LARGE1: variants seen among roughly 807,000 people sequenced by gnomAD.
LARGE1 encodes the protein LARGE xylosyl- and glucuronyltransferase 1.
LARGE1 carries 43 observed loss-of-function variants against 87.6 expected under a neutral mutation model. The ratio of observed to expected loss-of-function variants is 0.49; its 90% CI spans 0.38 to 0.63. LARGE1 has a LOEUF of 0.63. LARGE1 is among the 30% of genes least tolerant of loss of function. LARGE1 has a pLI of 0.00. For missense variants in LARGE1, 802 were observed against 1,000.2 expected (o/e 0.80, Z 2.67); for synonymous variants, 434 against 394.6 (o/e 1.10, Z -1.18).
chr22:33,505,109 TAC>T (rs2070700205), intron 6 of LARGE1, among the ~76,000 whole-genome samples: 1 of 152,242 alleles, frequency 6.6e-6, no homozygotes, highest in African/African-American at 2.4e-5. Flanking sequence ...GAGCTCGTAT[TAC>T]ACAGTCTCGT....
At chr22:33,466,568 T>A (rs370510516) in intron 6 of LARGE1, among the ~76,000 whole-genome samples, 1 of 151,904 alleles carries the variant, frequency 6.6e-6, no homozygotes, top group East Asian at 1.9e-4. Flanking sequence ...TCATCCCAGG[T>A]ATTTCTTTTT....
At chr22:33,728,702 T>C (rs1471690260) in intron 2 of LARGE1, among the ~76,000 whole-genome samples, 2 of 151,990 alleles carry the variant, frequency 1.3e-5, no homozygotes, top group African/African-American at 4.8e-5. Flanking sequence ...TAGGATGCTA[T>C]ACTAGACTGG....
chr22:33,643,263 C>A (rs1428948432), intron 3 of LARGE1, among the ~76,000 whole-genome samples: 1 of 152,184 alleles, frequency 6.6e-6, no homozygotes, highest in Non-Finnish European at 1.5e-5. Context: ...TGCACAACTA[C>A]ATGGAAACTG....
At chr22:33,412,111 C>T (rs914683338) in intron 7 of LARGE1, among the ~76,000 whole-genome samples, 14 of 152,082 alleles carry the variant, frequency 9.2e-5, no homozygotes, top group African/African-American at 3.4e-4. Flanking sequence ...TGGCAAAATC[C>T]CGTCTCTACT....
intron 2 of LARGE1, among the ~76,000 whole-genome samples, chr22:33,694,689 T>C (rs1232455063): frequency 6.6e-6 from 1 of 151,674 alleles, no homozygotes; most frequent in Admixed American, 6.6e-5. Context: ...CACATACACA[T>C]ACATGGAGAG....
intron 2 of LARGE1, among the ~76,000 whole-genome samples, chr22:33,706,032 T>A (rs1393642317): frequency 6.6e-6 from 1 of 152,200 alleles, no homozygotes; most frequent in Admixed American, 6.5e-5. Context: ...ATAAATGGAT[T>A]TGAACACAGG....
chr22:33,874,186 G>T (rs1009048656), intron 1 of LARGE1, among the ~76,000 whole-genome samples: 1 of 152,182 alleles, frequency 6.6e-6, no homozygotes, highest in Non-Finnish European at 1.5e-5. Context: ...CAGCCTGACT[G>T]AATCCGGGGA....
intron 7 of LARGE1, among the ~76,000 whole-genome samples, chr22:33,420,053 C>T (rs566405674): frequency 6.6e-6 from 1 of 152,134 alleles, no homozygotes. Context: ...CTGGCCTCTA[C>T]CCACTAAGTG....
intron 3 of LARGE1, among the ~76,000 whole-genome samples, chr22:33,646,619 T>C (rs1345541170): frequency 6.6e-6 from 1 of 151,626 alleles, no homozygotes; most frequent in East Asian, 1.9e-4. Flanking sequence ...AGTCAACGAG[T>C]TCAAGATCTG....
At chr22:33,091,558 T>TTAAA in the LARGE1 span, among the ~76,000 whole-genome samples, 1 of 52,276 alleles carries the variant, frequency 1.9e-5, no homozygotes, top group African/African-American at 5.9e-5. Context: ...AGACTCCATC[T>TTAAA]CAAATAAATA....
intron 6 of LARGE1, among the ~76,000 whole-genome samples, chr22:33,451,100 T>C (rs2067898303): frequency 6.6e-6 from 1 of 152,172 alleles, no homozygotes; most frequent in South Asian, 2.1e-4. Context: ...ACAGCTACAA[T>C]GGCCAGCTAG....
At chr22:33,131,129 G>GTGT in the LARGE1 span, among the ~76,000 whole-genome samples, 1 of 150,706 alleles carries the variant, frequency 6.6e-6, no homozygotes, top group East Asian at 2.0e-4. Context: ...CTTCCTATGA[G>GTGT]ATTTGCAAGT....
the LARGE1 span, among the ~76,000 whole-genome samples, chr22:33,100,688 T>G: frequency 1.3e-5 from 2 of 152,172 alleles, no homozygotes; most frequent in African/African-American, 4.8e-5. Flanking sequence ...TAGGTGCAGA[T>G]TCATTCATTC....
rs187899542 is a variant in LARGE1 at position 33,381,749 on chromosome 22, G to A, written c.1131+170C>T. On this transcript the variant is annotated intron_variant, in intron 9 of 14. Transcript: ENST00000397394. Reference sequence around the variant, plus strand: ...GGCTTTCCAGAAAGCCCAAATAAGGGTGGAAAAAAACCAACACCCCACAAA... The same window carrying A: ...GGCTTTCCAGAAAGCCCAAATAAGGATGGAAAAAAACCAACACCCCACAAA... Among the ~76,000 whole-genome samples the A allele has an allele frequency of 7.9e-5, 12 of 152,202 alleles. No homozygotes were observed. In the East Asian group the frequency reaches 2.1e-3, roughly 27 times the overall value.
intron 10 of LARGE1, among the ~76,000 whole-genome samples, chr22:33,330,467 C>T (rs1291030649): frequency 1.3e-5 from 2 of 152,230 alleles, no homozygotes; most frequent in Non-Finnish European, 2.9e-5. Context: ...GGATTATAGG[C>T]ATGAGCTACC....
At chr22:33,183,342 G>T (rs531246726) in intron 11 of LARGE1, among the ~76,000 whole-genome samples, 1 of 152,004 alleles carries the variant, frequency 6.6e-6, no homozygotes, top group African/African-American at 2.4e-5. Context: ...TGGTAGCAGC[G>T]GTGTGAAGAA....
At chr22:33,896,941 G>C (rs1484043049) in intron 1 of LARGE1, among the ~76,000 whole-genome samples, 1 of 152,164 alleles carries the variant, frequency 6.6e-6, no homozygotes, top group Non-Finnish European at 1.5e-5. Flanking sequence ...GGGTATCAGA[G>C]AGAGGTCCTC....
chr22:33,289,885 T>C lies in LARGE1; in HGVS notation c.1731-6537A>G, dbSNP rs79379992. On this transcript the variant is annotated intron_variant, in intron 12 of 14. Transcript: ENST00000397394. Reference sequence around the variant, plus strand: ...CCTCCTCTCAGCTCACTCAGGTATATGGGTAGTTCGTATCCTCTTTTGCTC... The same window carrying C: ...CCTCCTCTCAGCTCACTCAGGTATACGGGTAGTTCGTATCCTCTTTTGCTC... Among the ~76,000 whole-genome samples the C allele has an allele frequency of 3.5e-3, 532 of 152,140 alleles. 4 individuals are homozygous for C. The highest frequency in any genetic ancestry group is 4.0e-3 in the Non-Finnish European group (273 of 67,996).
intron 2 of LARGE1, among the ~76,000 whole-genome samples, chr22:33,707,511 C>G (rs562766214): frequency 6.6e-6 from 1 of 152,366 alleles, no homozygotes; most frequent in African/African-American, 2.4e-5. Context: ...ACAACCAAGA[C>G]TGTCCAAGCA....
Sources: gnomAD v4.1 joint callset for allele counts (sites outside exome capture counted in the v4.1 genomes callset) on GRCh38, gnomAD v4.1.1 for gene constraint, MANE v1.5 for transcripts, NCBI Gene and HGNC (gene_info 2026-07-23, HGNC 2026-07-21) for gene names.